The following GAREM1 variants were observed in gnomAD, a reference collection of about 807,000 sequenced individuals.
GAREM1 encodes GRB2 associated regulator of MAPK1 subtype 1.
A neutral mutation model predicts 71.3 loss-of-function variants in GAREM1; 26 were observed. The ratio of observed to expected loss-of-function variants is 0.36; its 90% CI spans 0.27 to 0.51. The LOEUF (loss-of-function observed/expected upper bound fraction) is 0.51. Ranked by LOEUF, GAREM1 falls within the 20% of genes least tolerant of loss-of-function variation. The pLI, the probability that GAREM1 is intolerant of heterozygous loss-of-function variation, is 0.95. For synonymous variants in GAREM1, 440 were observed against 433.2 expected, an observed-to-expected ratio of 1.02 and a Z score of -0.20; for missense variants, 1,026 against 1,103.1, an observed-to-expected ratio of 0.93 and a Z score of 0.99.
intron 1 of GAREM1, among the ~76,000 whole-genome samples, chr18:32,396,634 C>T (rs1393539421): frequency 3.3e-5 from 5 of 152,172 alleles, no homozygotes; most frequent in Non-Finnish European, 7.3e-5. Context: ...CGAACAAAGC[C>T]TCCAAGAAAT....
intron 2 of GAREM1, among the ~76,000 whole-genome samples, chr18:32,378,735 T>C (rs1238642844): frequency 1.3e-5 from 2 of 152,126 alleles, no homozygotes; most frequent in Non-Finnish European, 2.9e-5. Flanking sequence ...TGCTTTCTCA[T>C]ATCCAAGAGT....
chr18:32,314,082 C>CA (rs201650398), intron 2 of GAREM1, among the ~76,000 whole-genome samples: 4 of 146,052 alleles, frequency 2.7e-5, no homozygotes, highest in South Asian at 2.2e-4. Flanking sequence ...TACTTTTTGA[C>CA]AAAAAAAGTT....
At chr18:32,358,791 T>C (rs1252761290) in intron 2 of GAREM1, among the ~76,000 whole-genome samples, 1 of 152,274 alleles carries the variant, frequency 6.6e-6, no homozygotes, top group Middle Eastern at 3.4e-3. Flanking sequence ...AAGGAAGTAG[T>C]AGCAACCTCA....
intron 1 of GAREM1, chr18:32,413,296 G>C: frequency 8.1e-7 from 1 of 1,239,686 alleles, no homozygotes; most frequent in Non-Finnish European, 1.1e-6. Context: ...ACATTAAGTA[G>C]ATTTCCAAAA....
chr18:32,410,062 T>C (rs1305298985), intron 1 of GAREM1, among the ~76,000 whole-genome samples: 2 of 152,188 alleles, frequency 1.3e-5, no homozygotes, highest in East Asian at 1.9e-4. Flanking sequence ...GTGTATTTTA[T>C]AACACTGTGT....
At chr18:32,469,945 T>C (rs1352946563) in intron 1 of GAREM1, among the ~76,000 whole-genome samples, 1 of 152,150 alleles carries the variant, frequency 6.6e-6, no homozygotes, top group Non-Finnish European at 1.5e-5. Flanking sequence ...ACAATGATAT[T>C]CTCAAGAAAG....
chr18:32,384,771 AAGT>A (rs1468997362), intron 2 of GAREM1, among the ~76,000 whole-genome samples: 1 of 152,184 alleles, frequency 6.6e-6, no homozygotes, highest in Non-Finnish European at 1.5e-5. Flanking sequence ...AAGCAATGTG[AAGT>A]AGGACTAGAA....
chr18:32,303,907 C>T (rs1234864209), intron 3 of GAREM1, among the ~76,000 whole-genome samples: 1 of 140,694 alleles, frequency 7.1e-6, no homozygotes, highest in East Asian at 2.2e-4. Context: ...GGTGACAAAG[C>T]ATGTTTCTTA....
At chr18:32,420,320 T>C (rs915185853) in intron 1 of GAREM1, among the ~76,000 whole-genome samples, 2 of 152,076 alleles carry the variant, frequency 1.3e-5, no homozygotes, top group African/African-American at 4.8e-5. Context: ...TTTTGTTTTT[T>C]TGCCAAAATG....
intron 1 of GAREM1, among the ~76,000 whole-genome samples, chr18:32,395,568 T>C (rs1284989156): frequency 6.6e-6 from 1 of 152,214 alleles, no homozygotes; most frequent in African/African-American, 2.4e-5. Context: ...TTTTTATCTT[T>C]TATGCAAAAG....
chr18:32,416,049 A>G (rs1220637572), intron 1 of GAREM1, among the ~76,000 whole-genome samples: 1 of 152,174 alleles, frequency 6.6e-6, no homozygotes, highest in East Asian at 1.9e-4. Context: ...ATCAACATAC[A>G]AAAATCAATG....
At chr18:32,328,058 A>C (rs1174893596) in intron 2 of GAREM1, among the ~76,000 whole-genome samples, 1 of 152,218 alleles carries the variant, frequency 6.6e-6, no homozygotes, top group African/African-American at 2.4e-5. Context: ...TTTCCTCCCC[A>C]TTTAAACTAT....
At chr18:32,447,511 T>C (rs1020780415) in intron 1 of GAREM1, among the ~76,000 whole-genome samples, 10 of 152,112 alleles carry the variant, frequency 6.6e-5, no homozygotes, top group Non-Finnish European at 2.9e-5. Flanking sequence ...AGAAGATATA[T>C]AGTCATATTA....
Position 32,267,699 on chromosome 18 carries a change from G to A in GAREM1, c.*172C>T, listed in dbSNP as rs1243991503. 2 of 590,284 alleles carry A rather than the reference G, an allele frequency of 3.4e-6. No individual in the cohort carries two copies. Among genetic ancestry groups the A allele is most frequent in the Non-Finnish European group, 6.0e-6 (2 of 335,590 alleles). 36.6% of individuals were successfully genotyped at this position (590,284 alleles called of 1,614,324 possible). On this transcript the variant is annotated 3_prime_UTR_variant, in exon 6 of 6. Coordinates refer to ENST00000269209, the MANE Select transcript of GAREM1 (RefSeq NM_001242409.2). The stretch of plus-strand genomic sequence containing the variant: ...TGTTCTGTACAGCATTTTTATTGAT[G>A]TACAAAATAGCCTGTTCACCATTCA...
intron 1 of GAREM1, among the ~76,000 whole-genome samples, chr18:32,462,849 T>C (rs1019191606): frequency 3.3e-5 from 5 of 152,136 alleles, no homozygotes; most frequent in Admixed American, 6.5e-5. Context: ...AATCCCACTA[T>C]GGGTTATATA....
chr18:32,332,871 C>T (rs965063407), intron 2 of GAREM1, among the ~76,000 whole-genome samples: 10 of 152,076 alleles, frequency 6.6e-5, no homozygotes, highest in African/African-American at 1.2e-4. Flanking sequence ...TTCCTGAAAA[C>T]GATGGCATGA....
At chr18:32,464,626 A>C (rs1333894330) in intron 1 of GAREM1, among the ~76,000 whole-genome samples, 1 of 152,184 alleles carries the variant, frequency 6.6e-6, no homozygotes, top group East Asian at 1.9e-4. Flanking sequence ...GGATTACCAG[A>C]TCAATAACCT....
intron 2 of GAREM1, among the ~76,000 whole-genome samples, chr18:32,364,542 G>A (rs1447725053): frequency 6.6e-6 from 1 of 152,146 alleles, no homozygotes; most frequent in African/African-American, 2.4e-5. Context: ...ATAAAAGTCT[G>A]TTGTGCACAG....
chr18:32,370,471 C>T (rs1290089949), intron 2 of GAREM1, among the ~76,000 whole-genome samples: 4 of 150,800 alleles, frequency 2.7e-5, no homozygotes, highest in African/African-American at 4.9e-5. Context: ...AGGCATAACA[C>T]ACAATATTTA....
Sources: gnomAD v4.1 joint callset for allele counts (sites outside exome capture counted in the v4.1 genomes callset) on GRCh38, gnomAD v4.1.1 for gene constraint, MANE v1.5 for transcripts, NCBI Gene and HGNC (gene_info 2026-07-23, HGNC 2026-07-21) for gene names.